The following GRID1 variants were observed in gnomAD, a reference collection of about 807,000 sequenced individuals.
The protein encoded by GRID1 is glutamate receptor ionotropic, delta-1.
A neutral mutation model predicts 98.0 loss-of-function variants in GRID1; 28 were observed. That is an observed-to-expected ratio of 0.29 (90% confidence interval 0.21 to 0.39). GRID1 has a LOEUF of 0.39. Among genes scored for constraint, GRID1 ranks in the 10% least tolerant of loss-of-function variants. The pLI is 1.00. For missense variants in GRID1, 1,111 were observed against 1,340.5 expected, an observed-to-expected ratio of 0.83 and a Z score of 2.67; for synonymous variants, 553 against 538.5, an observed-to-expected ratio of 1.03 and a Z score of -0.37.
At chr10:86,271,677 A>C (rs571995938) in intron 2 of GRID1, among the ~76,000 whole-genome samples, 1 of 152,342 alleles carries the variant, frequency 6.6e-6, no homozygotes, top group South Asian at 2.1e-4. Context: ...GCAGGAAAAA[A>C]TTAGCAAATT....
chr10:85,886,263 T>G (rs1271054355), intron 5 of GRID1, among the ~76,000 whole-genome samples: 5 of 152,218 alleles, frequency 3.3e-5, no homozygotes, highest in Non-Finnish European at 7.4e-5. Flanking sequence ...AGAGTCCACT[T>G]GAGGGCCAGT....
At chr10:86,117,436 C>T (rs577048371) in intron 4 of GRID1, among the ~76,000 whole-genome samples, 2 of 151,450 alleles carry the variant, frequency 1.3e-5, no homozygotes, top group Non-Finnish European at 2.9e-5. Flanking sequence ...CCAATACAAA[C>T]ACCATCCTAC....
At chr10:86,116,725 GA>G (rs1398742188) in intron 4 of GRID1, among the ~76,000 whole-genome samples, 3 of 149,362 alleles carry the variant, frequency 2.0e-5, no homozygotes, top group African/African-American at 7.4e-5. Flanking sequence ...CATTTATGGG[GA>G]GAGGAGCACC....
chr10:86,332,033 C>T (rs1252211617), intron 2 of GRID1, among the ~76,000 whole-genome samples: 1 of 152,184 alleles, frequency 6.6e-6, no homozygotes. Flanking sequence ...GCTCAGGGCA[C>T]GCCTGCAACA....
intron 12 of GRID1, among the ~76,000 whole-genome samples, chr10:85,703,928 G>C (rs1052157250): frequency 1.3e-5 from 2 of 152,046 alleles, no homozygotes; most frequent in Admixed American, 6.6e-5. Context: ...AGGGCTGGTG[G>C]TGACAAAATC....
intron 2 of GRID1, among the ~76,000 whole-genome samples, chr10:86,304,771 T>C (rs1847736387): frequency 6.6e-6 from 1 of 152,214 alleles, no homozygotes; most frequent in Non-Finnish European, 1.5e-5. Context: ...AACTTGTCTT[T>C]GTCAGAGAAG....
At chr10:85,960,109 A>G (rs879742887) in intron 4 of GRID1, among the ~76,000 whole-genome samples, 3 of 152,172 alleles carry the variant, frequency 2.0e-5, no homozygotes, top group Non-Finnish European at 2.9e-5. Context: ...AGGGTTGGCC[A>G]GGCTGGTCTC....
rs79637414 is a variant in GRID1 at position 85,636,493 on chromosome 10, C to A, written c.2193+10709G>T. Among the ~76,000 whole-genome samples, 1,326 of 152,234 alleles carry A rather than the reference C, an allele frequency of 8.7e-3. 15 individuals carry two copies. Among genetic ancestry groups the A allele is most frequent in the Non-Finnish European group, 0.015 (1,012 of 68,012 alleles). On this transcript the variant is annotated intron_variant, in intron 13 of 15. Coordinates refer to ENST00000327946, the MANE Select transcript of GRID1 (RefSeq NM_017551.3). Reference sequence around the variant, plus strand: ...AAACATTCATGATCTTATTCAATTTCCCCAATTAGCCACAGTTTATAATGG... The same window carrying A: ...AAACATTCATGATCTTATTCAATTTACCCAATTAGCCACAGTTTATAATGG...
intron 4 of GRID1, among the ~76,000 whole-genome samples, chr10:86,044,381 T>C (rs1489888518): frequency 6.6e-6 from 1 of 152,236 alleles, no homozygotes; most frequent in African/African-American, 2.4e-5. Context: ...TGACTTTACC[T>C]CGGTTACATT....
intron 4 of GRID1, among the ~76,000 whole-genome samples, chr10:86,083,199 T>C (rs567521611): frequency 1.3e-5 from 2 of 152,342 alleles, no homozygotes; most frequent in South Asian, 2.1e-4. Context: ...AACATTATAT[T>C]CTCATGCAGT....
At chr10:86,102,875 A>G (rs540257727) in intron 4 of GRID1, among the ~76,000 whole-genome samples, 5 of 152,292 alleles carry the variant, frequency 3.3e-5, no homozygotes, top group African/African-American at 1.2e-4. Context: ...AGGTAATTGA[A>G]TCATGAGGGC....
chr10:85,817,541 A>T (rs1406357147), intron 8 of GRID1, among the ~76,000 whole-genome samples: 1 of 151,666 alleles, frequency 6.6e-6, no homozygotes, highest in East Asian at 1.9e-4. Context: ...TAACAACATT[A>T]AAAAAAATTA....
chr10:86,178,182 A>G (rs1481836780), intron 3 of GRID1, among the ~76,000 whole-genome samples: 1 of 152,154 alleles, frequency 6.6e-6, no homozygotes, highest in African/African-American at 2.4e-5. Flanking sequence ...CTAGTGGCCA[A>G]CTCACCAGAA....
chr10:86,319,577 C>T (rs950063153), intron 2 of GRID1, among the ~76,000 whole-genome samples: 1 of 152,192 alleles, frequency 6.6e-6, no homozygotes, highest in Non-Finnish European at 1.5e-5. Context: ...CCCTCTCCCC[C>T]CAACTCCTGT....
rs78234490 is a variant in GRID1 at position 85,917,459 on chromosome 10, C to T, written c.727-1220G>A. On this transcript the variant is annotated intron_variant, in intron 4 of 15. Coordinates refer to ENST00000327946, the MANE Select transcript of GRID1 (RefSeq NM_017551.3). The stretch of plus-strand genomic sequence containing the variant: ...TTCTAGAAGATTTTACAGTTACCTC[C>T]GCAAGTAAATAGCTACAAATAGATA... Among the ~76,000 whole-genome samples the T allele has an allele frequency of 2.7e-3, 404 of 152,198 alleles. 2 individuals carry two copies. The highest frequency in any genetic ancestry group is 8.7e-3 in the African/African-American group (360 of 41,524).
chr10:86,352,077 C>T (rs560445699), intron 2 of GRID1, among the ~76,000 whole-genome samples: 16 of 152,272 alleles, frequency 1.1e-4, no homozygotes, highest in Middle Eastern at 3.4e-3. Flanking sequence ...CCGAGGCGAG[C>T]GGATCACAAG....
rs150596090 is a variant in GRID1 at position 85,727,596 on chromosome 10, G to T, written c.1533+259C>A. Among the ~76,000 whole-genome samples the T allele has an allele frequency of 9.4e-4, 143 of 152,274 alleles. 1 individual carries two copies. The highest frequency in any genetic ancestry group is 3.3e-3 in the African/African-American group (136 of 41,540). On this transcript the variant is annotated intron_variant, in intron 10 of 15. Transcript: ENST00000327946. Reference sequence around the variant, plus strand: ...CCTTGAAGGGTGTGCTACAGAGTAGGCACAGTGGATGATAGACTTCAAAGG... The same window carrying T: ...CCTTGAAGGGTGTGCTACAGAGTAGTCACAGTGGATGATAGACTTCAAAGG...
At chr10:86,171,661 G>A (rs557911082) in intron 3 of GRID1, among the ~76,000 whole-genome samples, 1 of 152,298 alleles carries the variant, frequency 6.6e-6, no homozygotes, top group East Asian at 1.9e-4. Context: ...AAGCTTCAAA[G>A]ACAGATGGTT....
chr10:86,258,886 TAAG>T, intron 2 of GRID1, among the ~76,000 whole-genome samples: 1 of 152,282 alleles, frequency 6.6e-6, no homozygotes, highest in South Asian at 2.1e-4. Flanking sequence ...AAAGAAGACA[TAAG>T]AAACTGATCA....
Sources: allele counts gnomAD v4.1 joint callset (sites outside exome capture counted in the v4.1 genomes callset), GRCh38; gene constraint gnomAD v4.1.1; transcripts MANE v1.5; gene names NCBI Gene and HGNC (gene_info 2026-07-23, HGNC 2026-07-21).